Variants in LARP4B observed in about 807,000 individuals in gnomAD.
The protein encoded by LARP4B is la-related protein 4B.
A neutral mutation model predicts 89.8 loss-of-function variants in LARP4B; 12 were observed. The observed-to-expected ratio is 0.13, with a 90% CI of 0.09 to 0.22. The LOEUF (loss-of-function observed/expected upper bound fraction) is 0.22. Ranked by LOEUF, LARP4B falls within the 10% of genes least tolerant of loss-of-function variation. LARP4B has a pLI of 1.00. For missense variants in LARP4B, 757 were observed against 947.7 expected (o/e 0.80, Z 2.64); for synonymous variants, 367 against 363.3 (o/e 1.01, Z -0.12).
chr10:964,424 T>G, the LARP4B span, among the ~76,000 whole-genome samples: 7 of 2,508 alleles, frequency 2.8e-3, no homozygotes, highest in Non-Finnish European at 5.2e-3. Flanking sequence ...TTATATCTGT[T>G]TTTTTTTTTC....
intron 1 of LARP4B, among the ~76,000 whole-genome samples, chr10:909,646 A>G (rs1836613648): frequency 6.6e-6 from 1 of 151,834 alleles, no homozygotes; most frequent in African/African-American, 2.4e-5. Context: ...TTTGGCAGGC[A>G]TGGTGGCAGG....
At chr10:930,286 C>G (rs1025400239) in intron 1 of LARP4B, among the ~76,000 whole-genome samples, 1 of 152,218 alleles carries the variant, frequency 6.6e-6, no homozygotes, top group Non-Finnish European at 1.5e-5. Context: ...GAGTTGCTCT[C>G]ATCTCTAGAA....
chr10:883,090 C>T (rs1466685992), intron 3 of LARP4B, among the ~76,000 whole-genome samples: 1 of 152,138 alleles, frequency 6.6e-6, no homozygotes, highest in Admixed American at 6.5e-5. Flanking sequence ...AAGTCAACCA[C>T]GGAGAGAACA....
intron 3 of LARP4B, among the ~76,000 whole-genome samples, chr10:878,445 T>C (rs910310537): frequency 6.6e-6 from 1 of 151,952 alleles, no homozygotes; most frequent in Non-Finnish European, 1.5e-5. Context: ...GACTCATGTA[T>C]CTCATCTACA....
At position 812,282 on chromosome 10, in the gene LARP4B, T is replaced by TG. The variant is rs1831771086; in HGVS notation, c.*643dup. On this transcript the variant is annotated 3_prime_UTR_variant, in exon 18 of 18. Coordinates refer to ENST00000316157, the MANE Select transcript of LARP4B (RefSeq NM_015155.3). ...TGAGAAGCTGGTTACTTGCTTGCAG[T>TG]GCATCAGAACCAAGGTTTCTGGGGT... 6.5e-6 allele frequency: 1 copy of TG among 152,698 alleles called. No homozygotes were observed. The highest frequency in any genetic ancestry group is 2.4e-5 in the African/African-American group (1 of 41,474). The allele number at this position is 152,698 out of a possible 1,614,324, so 9.5% of individuals were successfully genotyped here. A position where few individuals can be genotyped will look rare whatever the true frequency, so the allele number is the denominator to read the frequency against.
chr10:936,382 C>T (rs576125829), upstream of LARP4B, among the ~76,000 whole-genome samples: 13 of 152,074 alleles, frequency 8.5e-5, no homozygotes, highest in East Asian at 1.9e-3. Flanking sequence ...AAACCATCCA[C>T]GAGAAGGACA....
chr10:917,416 T>C (rs1836851165), intron 1 of LARP4B, among the ~76,000 whole-genome samples: 1 of 152,190 alleles, frequency 6.6e-6, no homozygotes, highest in African/African-American at 2.4e-5. Context: ...TAAAAACCGG[T>C]TTATTGTAAC....
intron 1 of LARP4B, among the ~76,000 whole-genome samples, chr10:917,042 T>C (rs1275060214): frequency 1.3e-5 from 2 of 152,162 alleles, no homozygotes; most frequent in Non-Finnish European, 2.9e-5. Context: ...TGAAGACCAT[T>C]ATCATTGGAG....
intron 5 of LARP4B, among the ~76,000 whole-genome samples, chr10:857,405 G>A (rs901843336): frequency 1.3e-5 from 2 of 152,164 alleles, no homozygotes; most frequent in Non-Finnish European, 2.9e-5. Context: ...ACATGGATGA[G>A]GATCTATCAA....
At chr10:940,982 T>G in the LARP4B span, among the ~76,000 whole-genome samples, 3 of 152,316 alleles carry the variant, frequency 2.0e-5, no homozygotes, top group Middle Eastern at 6.8e-3. Flanking sequence ...TGGGACCCAC[T>G]TCCTCTAAGA....
chr10:882,080 A>G (rs1027707066), intron 3 of LARP4B, among the ~76,000 whole-genome samples: 4 of 152,080 alleles, frequency 2.6e-5, no homozygotes, highest in Non-Finnish European at 4.4e-5. Context: ...CCTTAGAGAC[A>G]GGGCCTAACT....
At chr10:901,279 T>G (rs1320823127) in intron 1 of LARP4B, among the ~76,000 whole-genome samples, 4 of 152,320 alleles carry the variant, frequency 2.6e-5, no homozygotes, top group South Asian at 2.1e-4. Context: ...AATAGAGAAG[T>G]GCAGAAAATA....
At chr10:971,456 A>G in the LARP4B span, 1 of 152,234 alleles carries the variant, frequency 6.6e-6, no homozygotes, top group African/African-American at 2.4e-5. Context: ...CTATTTTATA[A>G]CAATAGTAGG....
rs747630887 is a variant in LARP4B at position 915,750 on chromosome 10, G to A, written c.-40+15678C>T. 4.0e-5 allele frequency among the ~76,000 whole-genome samples: 6 copies of A among 151,038 alleles called. No homozygotes were observed. The South Asian group carries it at 8.3e-4, about 21-fold the overall frequency. On this transcript the variant is annotated intron_variant, in intron 1 of 17. Transcript: ENST00000316157. ...CAGGAGGCTGAGGCAGGAGAATGGC[G>A]TGAACCCAGGAGGCGGAGGTTGCAG...
intron 1 of LARP4B, among the ~76,000 whole-genome samples, chr10:910,752 T>C (rs1836644967): frequency 6.6e-6 from 1 of 152,230 alleles, no homozygotes; most frequent in South Asian, 2.1e-4. Flanking sequence ...GGTTACGTTT[T>C]ATAGAGCATG....
At chr10:918,632 CAAAAAAAAAAA>C (rs57396015) in intron 1 of LARP4B, among the ~76,000 whole-genome samples, 1 of 48,374 alleles carries the variant, frequency 2.1e-5, no homozygotes, top group African/African-American at 7.6e-5. Context: ...GACCCTGTCT[CAAAAAAAAAAA>C]AAAAAAAAAA....
chr10:894,774 T>C (rs1836137217), intron 1 of LARP4B, among the ~76,000 whole-genome samples: 1 of 152,200 alleles, frequency 6.6e-6, no homozygotes, highest in Non-Finnish European at 1.5e-5. Context: ...TTGGTAAGTT[T>C]AAGGGAAGAG....
the LARP4B span, chr10:972,306 G>C: frequency 1.9e-5 from 7 of 367,880 alleles, no homozygotes; most frequent in East Asian, 5.0e-4. Flanking sequence ...GGGATTAGAG[G>C]CGTGAGCAAC....
chr10:855,856 C>T (rs1019664876), intron 5 of LARP4B, among the ~76,000 whole-genome samples: 2 of 152,236 alleles, frequency 1.3e-5, no homozygotes, highest in South Asian at 4.1e-4. Context: ...CAGTGCACTA[C>T]TGGAGTCAAA....
Sources: gnomAD v4.1 joint callset for allele counts (sites outside exome capture counted in the v4.1 genomes callset) on GRCh38, gnomAD v4.1.1 for gene constraint, MANE v1.5 for transcripts, NCBI Gene and HGNC (gene_info 2026-07-23, HGNC 2026-07-21) for gene names.